Variants in LARGE1 observed in about 807,000 individuals in gnomAD.
The protein encoded by LARGE1 is LARGE xylosyl- and glucuronyltransferase 1, also known as xylosyl- and glucuronyltransferase LARGE1.
LARGE1 carries 43 observed loss-of-function variants against 87.6 expected under a neutral mutation model. That is an observed-to-expected ratio of 0.49 (90% CI 0.38 to 0.63). The LOEUF is 0.63. LARGE1 is among the 30% of genes least tolerant of loss of function. The pLI is 0.00. For synonymous variants in LARGE1, 434 were observed against 394.6 expected, an observed-to-expected ratio of 1.10 and a Z score of -1.18; for missense variants, 802 against 1,000.2, an observed-to-expected ratio of 0.80 and a Z score of 2.67.
intron 11 of LARGE1, among the ~76,000 whole-genome samples, chr22:33,194,938 C>T (rs565382240): frequency 6.6e-6 from 1 of 152,182 alleles, no homozygotes; most frequent in Non-Finnish European, 1.5e-5. Flanking sequence ...CTCTAGACAA[C>T]TCATTGCTCC....
intron 12 of LARGE1, among the ~76,000 whole-genome samples, chr22:33,286,189 T>C (rs959663768): frequency 6.6e-6 from 1 of 152,222 alleles, no homozygotes; most frequent in Admixed American, 6.5e-5. Context: ...CCGCTTTGTC[T>C]GTCTGAACAA....
intron 2 of LARGE1, among the ~76,000 whole-genome samples, chr22:33,760,520 C>T (rs1021058754): frequency 1.1e-4 from 16 of 152,314 alleles, no homozygotes; most frequent in African/African-American, 3.8e-4. Flanking sequence ...CGCATCGCAA[C>T]GTGCCGCGAT....
At position 33,467,049 on chromosome 22, in the gene LARGE1, G is replaced by A. The variant is rs138279219; in HGVS notation, c.788-34784C>T. 3.0e-3 allele frequency among the ~76,000 whole-genome samples: 456 copies of A among 152,162 alleles called. 2 individuals are homozygous for A. The highest frequency in any genetic ancestry group is 0.024 in the Middle Eastern group (7 of 294). On this transcript the variant is annotated intron_variant, in intron 6 of 14. Coordinates refer to ENST00000397394, the MANE Select transcript of LARGE1 (RefSeq NM_133642.5). The stretch of plus-strand genomic sequence containing the variant: ...AAGAGCAAAACTCTCTGAAAAAAAA[G>A]AGTCTGTTCTCTCATGTTGATCCTA...
intron 11 of LARGE1, among the ~76,000 whole-genome samples, chr22:33,186,999 A>G (rs540070053): frequency 1.8e-4 from 28 of 152,366 alleles, no homozygotes; most frequent in Admixed American, 1.7e-3. Context: ...TGTCAGAAAT[A>G]GATGCATGCT....
intron 10 of LARGE1, among the ~76,000 whole-genome samples, chr22:33,323,988 T>C (rs1469574455): frequency 1.3e-5 from 2 of 151,874 alleles, no homozygotes; most frequent in African/African-American, 2.4e-5. Flanking sequence ...TCCCAATACT[T>C]TGGGAAGCTG....
intron 2 of LARGE1, among the ~76,000 whole-genome samples, chr22:33,736,270 G>A (rs2083653391): frequency 6.6e-6 from 1 of 152,100 alleles, no homozygotes; most frequent in Non-Finnish European, 1.5e-5. Flanking sequence ...AATGTATAAG[G>A]GTTCCGATTT....
chr22:33,459,141 A>G (rs540080403), intron 6 of LARGE1, among the ~76,000 whole-genome samples: 3 of 152,176 alleles, frequency 2.0e-5, no homozygotes, highest in South Asian at 2.1e-4. Flanking sequence ...TCGGCCCCCA[A>G]CAGACCCTGG....
chr22:33,713,466 G>A (rs529609784), intron 2 of LARGE1, among the ~76,000 whole-genome samples: 9 of 152,194 alleles, frequency 5.9e-5, no homozygotes, highest in Middle Eastern at 3.4e-3. Flanking sequence ...CATTCATTCC[G>A]CGGTCGCTGG....
chr22:33,362,057 T>C lies in LARGE1; in HGVS notation c.1131+19862A>G, dbSNP rs1004054001. Among the ~76,000 whole-genome samples, 5 of 149,420 alleles carry C rather than the reference T, an allele frequency of 3.3e-5. 1 individual carries two copies. The highest frequency in any genetic ancestry group is 1.2e-4 in the African/African-American group (5 of 40,568). ...TTTCACAGAATTCTCTCATGCTCCT[T>C]TCTGTAAACCAGCACACTACACACT... is the stretch of plus-strand genomic sequence containing the variant. On this transcript the variant is annotated intron_variant, in intron 9 of 14. Coordinates refer to ENST00000397394, the MANE Select transcript of LARGE1 (RefSeq NM_133642.5).
At chr22:33,901,705 T>C (rs1181405607) in intron 1 of LARGE1, among the ~76,000 whole-genome samples, 1 of 152,156 alleles carries the variant, frequency 6.6e-6, no homozygotes, top group African/African-American at 2.4e-5. Flanking sequence ...GAAATGACAA[T>C]CTTCCAATCA....
intron 2 of LARGE1, among the ~76,000 whole-genome samples, chr22:33,757,698 A>G (rs973603263): frequency 1.3e-5 from 2 of 152,268 alleles, no homozygotes; most frequent in African/African-American, 4.8e-5. Flanking sequence ...AAGTATGAAT[A>G]GTATTTCCAT....
At chr22:33,368,338 A>G (rs977365712) in intron 9 of LARGE1, among the ~76,000 whole-genome samples, 4 of 152,174 alleles carry the variant, frequency 2.6e-5, no homozygotes, top group Non-Finnish European at 4.4e-5. Flanking sequence ...GTTTGAGACC[A>G]GCCTGGCCAA....
At chr22:33,106,092 T>A in the LARGE1 span, 2 of 152,280 alleles carry the variant, frequency 1.3e-5, no homozygotes, top group African/African-American at 2.4e-5. Context: ...AAACTCACTC[T>A]CAGGCCCTAA....
At chr22:33,802,254 C>A (rs1440239962) in intron 1 of LARGE1, among the ~76,000 whole-genome samples, 1 of 152,208 alleles carries the variant, frequency 6.6e-6, no homozygotes, top group Admixed American at 6.5e-5. Flanking sequence ...AGCACTTATT[C>A]CCACTGCAAA....
At chr22:33,331,016 C>T (rs974327269) in intron 10 of LARGE1, among the ~76,000 whole-genome samples, 41 of 152,296 alleles carry the variant, frequency 2.7e-4, no homozygotes, top group Middle Eastern at 3.4e-3. Context: ...TTCTCTGCTA[C>T]GTCTTTTTAC....
At chr22:33,120,863 G>A in the LARGE1 span, among the ~76,000 whole-genome samples, 1 of 151,960 alleles carries the variant, frequency 6.6e-6, no homozygotes, top group African/African-American at 2.4e-5. Context: ...GCTCCTGCCT[G>A]TAAACCGCTC....
intron 1 of LARGE1, among the ~76,000 whole-genome samples, chr22:33,777,343 T>C (rs2085272016): frequency 6.6e-6 from 1 of 152,002 alleles, no homozygotes; most frequent in Non-Finnish European, 1.5e-5. Flanking sequence ...GATCTGTGCT[T>C]AAGACAATCA....
chr22:33,080,047 G>C, the LARGE1 span, among the ~76,000 whole-genome samples: 1 of 152,260 alleles, frequency 6.6e-6, no homozygotes, highest in East Asian at 1.9e-4. Flanking sequence ...GGCTTCTGTG[G>C]ATCCTCCCCT....
chr22:33,868,394 G>A (rs1191514948), intron 1 of LARGE1, among the ~76,000 whole-genome samples: 1 of 152,196 alleles, frequency 6.6e-6, no homozygotes, highest in Non-Finnish European at 1.5e-5. Context: ...ACTTCGAGAC[G>A]AGATGATGTC....
Sources: gnomAD v4.1 joint callset for allele counts (sites outside exome capture counted in the v4.1 genomes callset) on GRCh38, gnomAD v4.1.1 for gene constraint, MANE v1.5 for transcripts, NCBI Gene and HGNC (gene_info 2026-07-23, HGNC 2026-07-21) for gene names.